The following NTM variants were observed in gnomAD, a reference collection of about 807,000 sequenced individuals.
NTM encodes IgLON family member 2.
In NTM, 13 loss-of-function variants were observed where a neutral mutation model predicts 42.1. The ratio of observed to expected loss-of-function variants is 0.31; its 90% CI spans 0.20 to 0.49. The LOEUF is 0.49. NTM is among the 20% of genes least tolerant of loss of function. The probability of loss-of-function intolerance (pLI) is 0.99; values close to 1 mark genes in which losing one functional copy is unlikely to be tolerated. For missense variants in NTM, 373 were observed against 452.8 expected, an observed-to-expected ratio of 0.82 and a Z score of 1.60; for synonymous variants, 187 against 179.2, an observed-to-expected ratio of 1.04 and a Z score of -0.35.
chr11:131,902,029 G>A (rs997428798), intron 1 of NTM, among the ~76,000 whole-genome samples: 2 of 152,162 alleles, frequency 1.3e-5, no homozygotes, highest in Admixed American at 6.5e-5. Context: ...ATGCCCCAAG[G>A]GCAACCTCAA....
intron 1 of NTM, among the ~76,000 whole-genome samples, chr11:131,391,547 G>C (rs1357356974): frequency 7.0e-6 from 1 of 143,862 alleles, no homozygotes; most frequent in African/African-American, 2.6e-5. Context: ...TGTTTAATAG[G>C]GGAAAAGAAA....
chr11:131,444,484 T>C (rs1351430492), intron 1 of NTM, among the ~76,000 whole-genome samples: 1 of 151,970 alleles, frequency 6.6e-6, no homozygotes, highest in African/African-American at 2.4e-5. Context: ...ATAGGGAGGA[T>C]AGAAACTAGA....
chr11:131,470,655 T>C (rs1952350365), intron 1 of NTM, among the ~76,000 whole-genome samples: 1 of 152,196 alleles, frequency 6.6e-6, no homozygotes, highest in Non-Finnish European at 1.5e-5. Context: ...TTCGAGGCTC[T>C]CCTCTGGGAG....
chr11:131,523,013 C>T (rs935190019), intron 1 of NTM, among the ~76,000 whole-genome samples: 4 of 152,216 alleles, frequency 2.6e-5, no homozygotes, highest in Non-Finnish European at 5.9e-5. Flanking sequence ...TTCCTGACCA[C>T]ACATGCCTCA....
intron 1 of NTM, among the ~76,000 whole-genome samples, chr11:131,655,135 T>G (rs576235213): frequency 6.6e-6 from 1 of 152,110 alleles, no homozygotes; most frequent in East Asian, 1.9e-4. Context: ...GAAACAGGAG[T>G]GCAGGGTCCC....
chr11:131,488,462 G>A (rs998869402), intron 1 of NTM, among the ~76,000 whole-genome samples: 21 of 152,132 alleles, frequency 1.4e-4, no homozygotes, highest in Admixed American at 3.9e-4. Context: ...GGCAAAAGCC[G>A]TCAGGCCTCA....
intron 1 of NTM, among the ~76,000 whole-genome samples, chr11:131,726,946 C>A (rs2079044974): frequency 6.6e-6 from 1 of 151,358 alleles, no homozygotes; most frequent in African/African-American, 2.5e-5. Context: ...TCCTTGGCCT[C>A]CCAAAGCACT....
intron 1 of NTM, among the ~76,000 whole-genome samples, chr11:131,383,728 T>A (rs185920515): frequency 6.4e-4 from 97 of 152,320 alleles, no homozygotes; most frequent in African/African-American, 2.3e-3. Flanking sequence ...CATTGAAGCG[T>A]TGTATGCCTG....
chr11:131,411,457 C>T (rs913926160), intron 1 of NTM, among the ~76,000 whole-genome samples: 3 of 151,732 alleles, frequency 2.0e-5, no homozygotes, highest in African/African-American at 2.4e-5. Context: ...GAGAAAAAGG[C>T]TTCCGGATTG....
chr11:131,501,894 T>TGC (rs1048297019), intron 1 of NTM, among the ~76,000 whole-genome samples: 1 of 151,902 alleles, frequency 6.6e-6, no homozygotes, highest in African/African-American at 2.4e-5. Context: ...TGTGTGTGTG[T>TGC]GCACATGTGA....
intron 3 of NTM, among the ~76,000 whole-genome samples, chr11:132,153,985 G>A (rs1024861730): frequency 2.0e-5 from 3 of 152,164 alleles, no homozygotes; most frequent in South Asian, 2.1e-4. Flanking sequence ...AGTTTTTTAG[G>A]GGATCTGAGA....
chr11:132,144,446 C>A (rs1361266924), intron 2 of NTM, among the ~76,000 whole-genome samples: 2 of 152,178 alleles, frequency 1.3e-5, no homozygotes, highest in Non-Finnish European at 1.5e-5. Flanking sequence ...GTTCTCACCA[C>A]CTTGAAATCC....
At chr11:131,407,618 C>A (rs1945938247) in intron 1 of NTM, among the ~76,000 whole-genome samples, 1 of 152,224 alleles carries the variant, frequency 6.6e-6, no homozygotes, top group African/African-American at 2.4e-5. Context: ...ACCTCCCTTG[C>A]ACTCTATTTG....
At chr11:131,864,660 G>A (rs1463600027) in intron 1 of NTM, among the ~76,000 whole-genome samples, 1 of 152,166 alleles carries the variant, frequency 6.6e-6, no homozygotes, top group Non-Finnish European at 1.5e-5. Flanking sequence ...TAGCATTGAG[G>A]GAATGTTCGA....
intron 2 of NTM, among the ~76,000 whole-genome samples, chr11:131,952,891 G>A (rs1411729646): frequency 6.6e-6 from 1 of 152,118 alleles, no homozygotes; most frequent in Non-Finnish European, 1.5e-5. Flanking sequence ...GATAGGCCTT[G>A]ATGCCCCAGA....
intron 2 of NTM, among the ~76,000 whole-genome samples, chr11:132,031,863 A>G (rs532600644): frequency 3.9e-5 from 6 of 152,254 alleles, no homozygotes; most frequent in Non-Finnish European, 4.4e-5. Context: ...GAAAGTCTTT[A>G]AATCTTCTTG....
intron 1 of NTM, among the ~76,000 whole-genome samples, chr11:131,821,710 GT>G (rs1024886898): frequency 3.2e-4 from 49 of 152,332 alleles, no homozygotes; most frequent in South Asian, 1.2e-3. Context: ...GTGGCGTGAG[GT>G]GGAGGAAGGG....
chr11:131,661,249 G>A (rs1390526934), intron 1 of NTM: 1 of 308,290 alleles, frequency 3.2e-6, no homozygotes, highest in Non-Finnish European at 6.6e-6. Context: ...TTTCCTGGGT[G>A]AAGTTCCAAG....
chr11:131,491,985 A>C (rs1460855212), intron 1 of NTM, among the ~76,000 whole-genome samples: 2 of 152,172 alleles, frequency 1.3e-5, no homozygotes, highest in Non-Finnish European at 2.9e-5. Flanking sequence ...CTGCCTAACA[A>C]CTCTGCAAGG....
Sources: allele counts gnomAD v4.1 joint callset (sites outside exome capture counted in the v4.1 genomes callset), GRCh38; gene constraint gnomAD v4.1.1; transcripts MANE v1.5; gene names NCBI Gene and HGNC (gene_info 2026-07-23, HGNC 2026-07-21).